NAV3: variants seen among roughly 807,000 people sequenced by gnomAD.
NAV3 encodes the protein neuron navigator 3, also known as pore membrane and/or filament interacting like protein 1.
A neutral mutation model predicts 244.7 loss-of-function variants in NAV3; 87 were observed. That is an observed-to-expected ratio of 0.36 (90% CI 0.30 to 0.42). The LOEUF (loss-of-function observed/expected upper bound fraction) is 0.42. NAV3 is among the 20% of genes least tolerant of loss of function. NAV3 has a pLI of 1.00. For synonymous variants in NAV3, 1,126 were observed against 1,042.2 expected, an observed-to-expected ratio of 1.08 and a Z score of -1.55; for missense variants, 2,663 against 2,893.3, an observed-to-expected ratio of 0.92 and a Z score of 1.83.
chr12:77,749,657 G>T (rs1213210584), intron 2 of NAV3, among the ~76,000 whole-genome samples: 1 of 152,020 alleles, frequency 6.6e-6, no homozygotes, highest in Non-Finnish European at 1.5e-5. Flanking sequence ...GAAATATGAA[G>T]TGCCTGCTAA....
At position 77,616,098 on chromosome 12, in the gene NAV3, C is replaced by A. The variant is rs376105931; in HGVS notation, c.72+43832C>A. Among the ~76,000 whole-genome samples the A allele has an allele frequency of 2.0e-4, 31 of 152,162 alleles. No homozygotes were observed. The South Asian group carries it at 6.2e-3, about 31-fold the overall frequency. The stretch of plus-strand genomic sequence containing the variant: ...TCCTTCTTAGTGCCTCAAACTATAT[C>A]GTATTCAGACATAAGAAGTTAGTAT... On this transcript the variant is annotated intron_variant, in intron 2 of 8. Coordinates refer to the NAV3 transcript ENST00000550042.
At chr12:77,999,330 C>A (rs180772255) in intron 7 of NAV3, among the ~76,000 whole-genome samples, 1 of 152,158 alleles carries the variant, frequency 6.6e-6, no homozygotes, top group Non-Finnish European at 1.5e-5. Context: ...GTGTTGGGCT[C>A]TACATGGAAA....
intron 2 of NAV3, among the ~76,000 whole-genome samples, chr12:77,684,028 A>T (rs755029276): frequency 9.9e-5 from 15 of 152,170 alleles, no homozygotes; most frequent in Non-Finnish European, 1.3e-4. Context: ...TTTTCTACAG[A>T]TGTTGAACAA....
intron 21 of NAV3, among the ~76,000 whole-genome samples, chr12:78,147,959 G>A (rs919178330): frequency 6.6e-5 from 10 of 152,014 alleles, no homozygotes; most frequent in Admixed American, 1.3e-4. Context: ...TGTTATAAAT[G>A]TTCTATCCTT....
At chr12:78,086,942 A>G (rs1394582259) in intron 12 of NAV3, among the ~76,000 whole-genome samples, 3 of 152,138 alleles carry the variant, frequency 2.0e-5, no homozygotes, top group South Asian at 2.1e-4. Context: ...TTTTGAATTA[A>G]CTGCCTATGA....
At chr12:77,653,845 T>C (rs571882891) in intron 2 of NAV3, among the ~76,000 whole-genome samples, 1 of 152,146 alleles carries the variant, frequency 6.6e-6, no homozygotes, top group Non-Finnish European at 1.5e-5. Flanking sequence ...CACATATTTG[T>C]TTTCATGTTT....
intron 12 of NAV3, among the ~76,000 whole-genome samples, chr12:78,108,344 A>G (rs887186090): frequency 1.3e-5 from 2 of 152,182 alleles, no homozygotes; most frequent in Non-Finnish European, 2.9e-5. Context: ...ATAGACTGCA[A>G]TACAGTAATA....
At position 78,122,318 on chromosome 12, in the gene NAV3, T is replaced by C. The variant is rs746698787; in HGVS notation, c.4128T>C (p.Ile1376=). ...GCCTCCACACGAGCTCTGAGTCCATTGACCTCCCCCTCAGCCATCATGGCT... is the reference window on the plus strand; with the variant it reads ...GCCTCCACACGAGCTCTGAGTCCATCGACCTCCCCCTCAGCCATCATGGCT... ...MTSLHTSSES[I]DLPLSHHGSL... The change falls in exon 16 of 40, where the codon ATT becomes ATC. Residue 1376 remains isoleucine, a synonymous_variant. Coordinates refer to ENST00000397909, the MANE Select transcript of NAV3 (RefSeq NM_001024383.2). The C allele has an allele frequency of 4.3e-6, 7 of 1,614,056 alleles. No individual in the cohort carries two copies. The Admixed American group carries it at 1.2e-4, about 27-fold the overall frequency.
At chr12:77,923,943 AT>A (rs1887949111) in intron 1 of NAV3, among the ~76,000 whole-genome samples, 1 of 152,148 alleles carries the variant, frequency 6.6e-6, no homozygotes, top group Non-Finnish European at 1.5e-5. Flanking sequence ...TGGGGAATGG[AT>A]TTTTAGCTCT....
intron 2 of NAV3, among the ~76,000 whole-genome samples, chr12:77,620,354 A>T (rs1871320293): frequency 1.3e-5 from 2 of 152,230 alleles, no homozygotes; most frequent in Admixed American, 1.3e-4. Flanking sequence ...GATGCTGGAC[A>T]TAGTTGCTGA....
At chr12:77,630,575 C>T (rs1044329182) in intron 2 of NAV3, among the ~76,000 whole-genome samples, 3 of 152,102 alleles carry the variant, frequency 2.0e-5, no homozygotes, top group Non-Finnish European at 2.9e-5. Flanking sequence ...CAGTACCTTG[C>T]CCGTACATGT....
intron 2 of NAV3, among the ~76,000 whole-genome samples, chr12:77,612,693 A>C (rs968585290): frequency 6.6e-6 from 1 of 152,180 alleles, no homozygotes; most frequent in Non-Finnish European, 1.5e-5. Flanking sequence ...ATTTTCCAGA[A>C]GGATTCTCAT....
intron 16 of NAV3, among the ~76,000 whole-genome samples, chr12:78,126,207 A>G (rs1278199870): frequency 6.6e-6 from 1 of 152,198 alleles, no homozygotes; most frequent in Admixed American, 6.5e-5. Flanking sequence ...AATGGAGTAC[A>G]CATAGAAGAA....
Position 78,006,791 on chromosome 12 carries a change from C to A in NAV3, c.1253C>A (p.Ser418Tyr), listed in dbSNP as rs1430136927. 1 of 1,614,138 alleles carries A rather than the reference C, an allele frequency of 6.2e-7. No individual in the cohort carries two copies. The highest frequency in any genetic ancestry group is 2.2e-5 in the East Asian group (1 of 44,874). Residue 418 changes from serine (S) to tyrosine (Y), a missense_variant, in exon 8 of 40, where the codon TCT (serine) becomes TAT (tyrosine). By Grantham distance (144) the Ser-to-Tyr change is moderately radical. Coordinates refer to ENST00000397909, the MANE Select transcript of NAV3 (RefSeq NM_001024383.2). ...GGTGGGAAGGATGATGATGCCTTTTCTGAATCTGGTGAAATGGAAGGTTTT... is the reference window on the plus strand; with the variant it reads ...GGTGGGAAGGATGATGATGCCTTTTATGAATCTGGTGAAATGGAAGGTTTT... The part of the protein sequence containing the change: ...SDGGKDDDAF[S>Y]ESGEMEGFNS...
rs974643154 is a variant in NAV3, at chr12:77,734,510, A to G, written c.72+162244A>G. ...TTTGAAGCATTGGCTGATGACCCTT[A>G]TAGAAGTTAGACAAATCACAACAAC... On this transcript the variant is annotated intron_variant, in intron 2 of 8. Coordinates refer to the NAV3 transcript ENST00000550042. 1.4e-4 allele frequency among the ~76,000 whole-genome samples: 22 copies of G among 152,238 alleles called. No individual in the cohort carries two copies. The East Asian group carries it at 2.9e-3, about 20-fold the overall frequency.
chr12:78,018,341 C>T (rs959190479), intron 8 of NAV3, among the ~76,000 whole-genome samples: 4 of 152,164 alleles, frequency 2.6e-5, no homozygotes, highest in African/African-American at 4.8e-5. Context: ...GGGAACTTAA[C>T]CAATGGAATT....
At chr12:77,873,889 G>A (rs1482945795) in intron 1 of NAV3, among the ~76,000 whole-genome samples, 2 of 150,542 alleles carry the variant, frequency 1.3e-5, no homozygotes, top group Non-Finnish European at 3.0e-5. Flanking sequence ...CCCAACCCCT[G>A]GGCCATGGAC....
At chr12:77,611,872 T>TA (rs1297746877) in intron 2 of NAV3, among the ~76,000 whole-genome samples, 3 of 152,032 alleles carry the variant, frequency 2.0e-5, no homozygotes, top group African/African-American at 7.2e-5. Context: ...TGCTTTAATA[T>TA]ATTGATTGAA....
intron 1 of NAV3, among the ~76,000 whole-genome samples, chr12:77,895,706 C>T (rs754125948): frequency 2.9e-4 from 44 of 149,682 alleles, no homozygotes; most frequent in Non-Finnish European, 5.5e-4. Flanking sequence ...AATGCTACCC[C>T]ATCCTCTACT....
Sources: gnomAD v4.1 joint callset for allele counts (sites outside exome capture counted in the v4.1 genomes callset) on GRCh38, gnomAD v4.1.1 for gene constraint, MANE v1.5 for transcripts, NCBI Gene and HGNC (gene_info 2026-07-23, HGNC 2026-07-21) for gene names.